Variants in DYM observed in about 807,000 individuals in gnomAD.
DYM encodes the protein dyggve-Melchior-Clausen syndrome protein.
In DYM, 78 loss-of-function variants were observed where a neutral mutation model predicts 93.1. That is an observed-to-expected ratio of 0.84 (90% CI 0.70 to 1.01). The LOEUF (loss-of-function observed/expected upper bound fraction) is 1.01, where lower values mean the gene tolerates loss of function less well. Among genes scored for constraint, DYM ranks in the 50% least tolerant of loss-of-function variants. DYM has a pLI of 0.00. For missense variants in DYM, 789 were observed against 845.0 expected, an observed-to-expected ratio of 0.93 and a Z score of 0.82; for synonymous variants, 321 against 319.7, an observed-to-expected ratio of 1.00 and a Z score of -0.04.
At chr18:49,432,264 G>A (rs2080391581) in intron 1 of DYM, among the ~76,000 whole-genome samples, 1 of 147,184 alleles carries the variant, frequency 6.8e-6, no homozygotes, top group South Asian at 2.1e-4. Flanking sequence ...CCAGGAGGCA[G>A]AGGTTGCAGT....
chr18:49,146,252 A>C (rs2085122559), intron 15 of DYM, among the ~76,000 whole-genome samples: 1 of 152,244 alleles, frequency 6.6e-6, no homozygotes, highest in Admixed American at 6.5e-5. Flanking sequence ...TGAATGGGCA[A>C]AAACTGGAAG....
At chr18:49,388,324 G>A (rs2068835212) in intron 3 of DYM, among the ~76,000 whole-genome samples, 1 of 151,536 alleles carries the variant, frequency 6.6e-6, no homozygotes, top group African/African-American at 2.4e-5. Flanking sequence ...GTGAGACCCT[G>A]TCTCAAAATA....
chr18:49,197,247 T>A (rs1455609853), intron 14 of DYM, among the ~76,000 whole-genome samples: 7 of 151,856 alleles, frequency 4.6e-5, no homozygotes, highest in African/African-American at 1.7e-4. Flanking sequence ...TGTAAAGTCA[T>A]AGAAATTGAT....
chr18:49,377,138 T>A (rs2067574729), intron 5 of DYM, among the ~76,000 whole-genome samples: 1 of 152,240 alleles, frequency 6.6e-6, no homozygotes, highest in African/African-American at 2.4e-5. Context: ...AATACCTTAA[T>A]ACATTTAAAT....
rs2082143218 is a variant in DYM, at chr18:49,118,910, A to C, written c.1745T>G (p.Val582Gly). The C allele has an allele frequency of 2.5e-6, 4 of 1,613,988 alleles. No homozygotes were observed. Among genetic ancestry groups the C allele is most frequent in the Non-Finnish European group, 3.4e-6 (4 of 1,179,952 alleles). The change falls in exon 16 of 18, where the codon GTC (valine) becomes GGC (glycine). Residue 582 changes from valine to glycine, a missense_variant. Physicochemically the swap from Val to Gly is moderately radical, Grantham distance 109. This residue lies in a region of DYM where 225 missense variants were observed against 303.0 expected (regional missense o/e 0.74). Transcript: ENST00000675505. ...CATCATTCGAATCACTTCTTCAATGACATTTAGGTCTTGTGCCTTATAGAG... is the reference window on the plus strand; with the variant it reads ...CATCATTCGAATCACTTCTTCAATGCCATTTAGGTCTTGTGCCTTATAGAG... ...PLPDYAQDLN[V>G]IEEVIRMMLE...
At chr18:49,176,189 A>C (rs1315821475) in intron 14 of DYM, among the ~76,000 whole-genome samples, 1 of 152,208 alleles carries the variant, frequency 6.6e-6, no homozygotes, top group Non-Finnish European at 1.5e-5. Flanking sequence ...AAGATGGCTA[A>C]CAACTTAAAA....
intron 17 of DYM, among the ~76,000 whole-genome samples, chr18:49,062,522 A>G (rs555815502): frequency 6.6e-6 from 1 of 152,278 alleles, no homozygotes; most frequent in East Asian, 1.9e-4. Flanking sequence ...TTCAGGGAAA[A>G]CCACGAGCCC....
intron 15 of DYM, among the ~76,000 whole-genome samples, chr18:49,149,181 G>C (rs1000319607): frequency 6.6e-6 from 1 of 152,098 alleles, no homozygotes; most frequent in Non-Finnish European, 1.5e-5. Context: ...CTGCTGATCT[G>C]GCAGGTGGTG....
chr18:49,250,773 C>T (rs1264214348), intron 13 of DYM, among the ~76,000 whole-genome samples: 1 of 152,196 alleles, frequency 6.6e-6, no homozygotes, highest in Non-Finnish European at 1.5e-5. Flanking sequence ...CAACTTTTTT[C>T]TAGTTCCAGA....
intron 5 of DYM, among the ~76,000 whole-genome samples, chr18:49,367,115 T>G (rs2066597649): frequency 6.6e-6 from 1 of 152,220 alleles, no homozygotes; most frequent in African/African-American, 2.4e-5. Context: ...TCTGAAGTAC[T>G]ACATATTAGT....
intron 14 of DYM, among the ~76,000 whole-genome samples, chr18:49,184,700 T>G (rs930331725): frequency 6.6e-6 from 1 of 152,132 alleles, no homozygotes; most frequent in Non-Finnish European, 1.5e-5. Flanking sequence ...GCATTCCAGG[T>G]GGGACACGGC....
At chr18:49,412,661 A>C (rs990679889) in intron 2 of DYM, among the ~76,000 whole-genome samples, 1 of 152,168 alleles carries the variant, frequency 6.6e-6, no homozygotes, top group Admixed American at 6.5e-5. Context: ...TCCCAGGCCC[A>C]CCTCTACAAC....
At chr18:49,311,695 G>T (rs934306375) in intron 8 of DYM, among the ~76,000 whole-genome samples, 2 of 146,388 alleles carry the variant, frequency 1.4e-5, no homozygotes, top group African/African-American at 5.1e-5. Flanking sequence ...CTTGGACACA[G>T]GGTGGGGAAC....
rs546103255 is a variant in DYM at position 49,152,796 on chromosome 18, T to C, written c.1728+10889A>G. Among the ~76,000 whole-genome samples the C allele has an allele frequency of 1.1e-3, 161 of 152,152 alleles. 1 individual carries two copies. Among genetic ancestry groups the C allele is most frequent in the Non-Finnish European group, 1.8e-3 (122 of 68,032 alleles). ...CAATGGAATATCATTTAGCCATAAA[T>C]AAGGAGATCCTATCATTTGCGACAA... On this transcript the variant is annotated intron_variant, in intron 15 of 17. Coordinates refer to ENST00000675505, the MANE Select transcript of DYM (RefSeq NM_001353214.3).
rs2070769077 is a variant in DYM at position 49,038,030 on chromosome 18, G to T, written c.*6025C>A. ...TGTAAAGGTGGGGCCTCATTATGTT[G>T]CCCAAGCTGGTCTCAAACTCCTGGG... is the stretch of plus-strand genomic sequence containing the variant. On this transcript the variant is annotated 3_prime_UTR_variant, in exon 18 of 18. Coordinates refer to ENST00000675505, the MANE Select transcript of DYM (RefSeq NM_001353214.3). Among the ~76,000 whole-genome samples the T allele has an allele frequency of 1.3e-5, 2 of 152,124 alleles. No individual in the cohort carries two copies. The highest frequency in any genetic ancestry group is 4.2e-4 in the South Asian group (2 of 4,812).
At chr18:49,157,847 T>C (rs1011099457) in intron 15 of DYM, among the ~76,000 whole-genome samples, 2 of 152,214 alleles carry the variant, frequency 1.3e-5, no homozygotes. Context: ...CCCAAAGTCA[T>C]GAAGGTTTAA....
intron 9 of DYM, among the ~76,000 whole-genome samples, chr18:49,283,534 T>C (rs1349318764): frequency 1.3e-5 from 2 of 152,202 alleles, no homozygotes; most frequent in East Asian, 3.9e-4. Flanking sequence ...TTTCCAACAG[T>C]TAACTGGATT....
Position 49,123,077 on chromosome 18 carries a change from A to G in DYM, c.1729-4151T>C, listed in dbSNP as rs2082522671. On this transcript the variant is annotated intron_variant, in intron 15 of 17. Coordinates refer to ENST00000675505, the MANE Select transcript of DYM (RefSeq NM_001353214.3). Reference sequence around the variant, plus strand: ...TATTTCCTATTTATTCTTTTTTATGAATATTGTTCCTTCATTTATCTTTGA... The same window carrying G: ...TATTTCCTATTTATTCTTTTTTATGGATATTGTTCCTTCATTTATCTTTGA... Among the ~76,000 whole-genome samples, 4 of 151,968 alleles carry G rather than the reference A, an allele frequency of 2.6e-5. No individual in the cohort carries two copies. The Middle Eastern group carries it at 0.01, about 390-fold the overall frequency.
chr18:49,146,028 T>C (rs1326472944), intron 15 of DYM, among the ~76,000 whole-genome samples: 1 of 152,140 alleles, frequency 6.6e-6, no homozygotes, highest in Non-Finnish European at 1.5e-5. Context: ...CCATATGTAA[T>C]ATTCAAATTA....
Sources: gnomAD v4.1 joint callset for allele counts (sites outside exome capture counted in the v4.1 genomes callset) on GRCh38, gnomAD v4.1.1 for gene constraint, gnomAD v4.1.1 regional missense constraint, MANE v1.5 for transcripts, NCBI Gene and HGNC (gene_info 2026-07-23, HGNC 2026-07-21) for gene names.